TYW1B: variants seen among roughly 807,000 people sequenced by gnomAD.
TYW1B encodes tRNA-yW synthesizing protein 1 homolog B.
In TYW1B, 73 loss-of-function variants were observed where a neutral mutation model predicts 86.9. That is an observed-to-expected ratio of 0.84 (90% confidence interval 0.70 to 1.02). TYW1B has a LOEUF of 1.02. TYW1B is among the 50% of genes least tolerant of loss of function. The pLI, the probability that TYW1B is intolerant of heterozygous loss-of-function variation, is 0.00. For synonymous variants in TYW1B, 248 were observed against 292.8 expected, an observed-to-expected ratio of 0.85 and a Z score of 1.56; for missense variants, 637 against 827.4, an observed-to-expected ratio of 0.77 and a Z score of 2.82.
chr7:72,617,843 T>C (rs1248502286), intron 12 of TYW1B, among the ~76,000 whole-genome samples: 3 of 152,166 alleles, frequency 2.0e-5, no homozygotes, highest in African/African-American at 7.2e-5. Context: ...GAAAGTTAAA[T>C]TATCTAACTC....
intron 10 of TYW1B, among the ~76,000 whole-genome samples, chr7:72,696,561 T>C (rs1554451531): frequency 6.6e-6 from 1 of 152,200 alleles, no homozygotes; most frequent in Non-Finnish European, 1.5e-5. Context: ...TTATCAATCT[T>C]TGAGTGTAAG....
chr7:72,756,397 G>A (rs951076227), intron 7 of TYW1B, among the ~76,000 whole-genome samples: 20 of 151,572 alleles, frequency 1.3e-4, no homozygotes, highest in East Asian at 1.9e-4. Flanking sequence ...ACCATGCCCA[G>A]TTAATTTTTT....
chr7:72,726,175 T>C (rs1318872094), intron 9 of TYW1B, among the ~76,000 whole-genome samples: 1 of 152,064 alleles, frequency 6.6e-6, no homozygotes, highest in African/African-American at 2.4e-5. Context: ...AGAATGTAAT[T>C]TGTACCCCTA....
At chr7:72,794,630 A>C (rs1375946878) in intron 6 of TYW1B, among the ~76,000 whole-genome samples, 1 of 152,000 alleles carries the variant, frequency 6.6e-6, no homozygotes, top group African/African-American at 2.4e-5. Flanking sequence ...GACAAAGTAC[A>C]CTTCTCAGCT....
At chr7:72,727,908 T>C (rs1554459042) in intron 9 of TYW1B, among the ~76,000 whole-genome samples, 1 of 152,096 alleles carries the variant, frequency 6.6e-6, no homozygotes, top group African/African-American at 2.4e-5. Flanking sequence ...ATCTGTGTTT[T>C]AACAAGCTCT....
intron 13 of TYW1B, among the ~76,000 whole-genome samples, chr7:72,577,349 G>A (rs546477937): frequency 1.3e-5 from 2 of 152,312 alleles, no homozygotes; most frequent in African/African-American, 4.8e-5. Flanking sequence ...CTATGAATTA[G>A]AGGAAATTTT....
chr7:72,628,594 C>T (rs1158892235), intron 12 of TYW1B, among the ~76,000 whole-genome samples: 1 of 152,078 alleles, frequency 6.6e-6, no homozygotes, highest in Non-Finnish European at 1.5e-5. Context: ...TATTTTATTT[C>T]TCAGCATATT....
At chr7:72,713,154 A>G (rs1356718109) in intron 10 of TYW1B, among the ~76,000 whole-genome samples, 1 of 147,122 alleles carries the variant, frequency 6.8e-6, no homozygotes, top group Non-Finnish European at 1.5e-5. Flanking sequence ...AAAAAAAATT[A>G]GCTGGGCATG....
At chr7:72,711,171 A>G (rs1427469400) in intron 10 of TYW1B, among the ~76,000 whole-genome samples, 1 of 152,124 alleles carries the variant, frequency 6.6e-6, no homozygotes, top group Non-Finnish European at 1.5e-5. Context: ...TAATAAGCAC[A>G]TTCCTTTCCA....
intron 11 of TYW1B, among the ~76,000 whole-genome samples, chr7:72,639,608 A>G (rs1195589789): frequency 6.6e-6 from 1 of 152,208 alleles, no homozygotes; most frequent in Non-Finnish European, 1.5e-5. Flanking sequence ...TCATGCCTAT[A>G]ACCCCAGCAC....
chr7:72,814,902 C>CA lies in TYW1B; in HGVS notation c.237+477dup, dbSNP rs35390409. ...CAACATGGTGAAACCTCAACTCTAG[C>CA]AAAAAAAAAAAAAAAAATTAGCTGG... On this transcript the variant is annotated intron_variant, in intron 3 of 13. Coordinates refer to ENST00000620995, the MANE Select transcript of TYW1B (RefSeq NM_001145440.3). Among the ~76,000 whole-genome samples the CA allele has an allele frequency of 8.6e-3, 1,087 of 125,790 alleles. 5 individuals carry two copies. The highest frequency in any genetic ancestry group is 0.021 in the Middle Eastern group (5 of 240). The allele number at this position is 125,790 out of a possible 152,430, so 82.5% of individuals were successfully genotyped here. A position where few individuals can be genotyped will look rare whatever the true frequency, so the allele number is the denominator to read the frequency against.
chr7:72,610,231 T>A (rs184617732), intron 13 of TYW1B, among the ~76,000 whole-genome samples: 1 of 152,036 alleles, frequency 6.6e-6, no homozygotes, highest in Non-Finnish European at 1.5e-5. Flanking sequence ...AAGTAATTAA[T>A]TTCAAGCATT....
chr7:72,720,854 T>C (rs1786884167), intron 9 of TYW1B, among the ~76,000 whole-genome samples: 1 of 152,050 alleles, frequency 6.6e-6, no homozygotes, highest in African/African-American at 2.4e-5. Context: ...ACCCGTTAAC[T>C]CGTCATTTAC....
chr7:72,690,523 C>A (rs35275480), intron 11 of TYW1B, among the ~76,000 whole-genome samples: 7,314 of 107,480 alleles, frequency 0.068, no homozygotes, highest in African/African-American at 0.15. Flanking sequence ...ATGCTACCTT[C>A]TTCTTTGGGT....
intron 6 of TYW1B, among the ~76,000 whole-genome samples, chr7:72,796,435 C>T (rs1585990154): frequency 1.5e-5 from 2 of 133,634 alleles, no homozygotes; most frequent in African/African-American, 2.8e-5. Flanking sequence ...AGGGTTTCAC[C>T]ATGTTGGCCA....
intron 11 of TYW1B, among the ~76,000 whole-genome samples, chr7:72,655,626 C>A (rs1304987838): frequency 6.6e-6 from 1 of 152,174 alleles, no homozygotes; most frequent in Non-Finnish European, 1.5e-5. Flanking sequence ...GGCCAACACA[C>A]CAAGATGACT....
At chr7:72,640,502 T>C (rs1458285804) in intron 11 of TYW1B, among the ~76,000 whole-genome samples, 3 of 151,880 alleles carry the variant, frequency 2.0e-5, no homozygotes, top group Non-Finnish European at 4.4e-5. Flanking sequence ...AAAAAAGTTG[T>C]ACTATGCAAG....
Position 72,721,285 on chromosome 7 carries a change from T to C in TYW1B, c.1193-7487A>G, listed in dbSNP as rs190806427. Among the ~76,000 whole-genome samples, 385 of 152,304 alleles carry C rather than the reference T, an allele frequency of 2.5e-3. 1 individual carries two copies. Among genetic ancestry groups the C allele is most frequent in the African/African-American group, 6.6e-3 (276 of 41,570 alleles). The stretch of plus-strand genomic sequence containing the variant: ...CCAGTAATGGGATGGCTGGGTCAAA[T>C]GGTATTTCTAGTTCTAGATCCTTGA... On this transcript the variant is annotated intron_variant, in intron 9 of 13. Coordinates refer to ENST00000620995, the MANE Select transcript of TYW1B (RefSeq NM_001145440.3).
chr7:72,778,261 T>C (rs1239937473), intron 6 of TYW1B, among the ~76,000 whole-genome samples: 4 of 152,146 alleles, frequency 2.6e-5, no homozygotes, highest in African/African-American at 9.7e-5. Flanking sequence ...ATGTTGAAGG[T>C]TAAATGAAAT....
Sources: allele counts gnomAD v4.1 joint callset (sites outside exome capture counted in the v4.1 genomes callset), GRCh38; gene constraint gnomAD v4.1.1; transcripts MANE v1.5; gene names NCBI Gene and HGNC (gene_info 2026-07-23, HGNC 2026-07-21).